GATA3: variants seen among roughly 807,000 people sequenced by gnomAD.
GATA3 encodes the protein GATA binding protein 3.
In GATA3, 6 loss-of-function variants were observed where a neutral mutation model predicts 36.0. The observed-to-expected ratio is 0.17, with a 90% CI of 0.09 to 0.33. The LOEUF (loss-of-function observed/expected upper bound fraction) is 0.33, where lower values mean the gene tolerates loss of function less well. GATA3 is among the 10% of genes least tolerant of loss of function. The probability of loss-of-function intolerance (pLI) is 1.00; values close to 1 mark genes in which losing one functional copy is unlikely to be tolerated. For missense variants in GATA3, 514 were observed against 610.1 expected (o/e 0.84, Z 1.66); for synonymous variants, 326 against 273.0 (o/e 1.19, Z -1.92).
In GATA3 at chr10:8,058,531, C is replaced by A. The variant is rs775381986; in HGVS notation, c.468C>A (p.Thr156=). The A allele has an allele frequency of 6.2e-7, 1 of 1,612,106 alleles. No individual in the cohort carries two copies. Among genetic ancestry groups the A allele is most frequent in the Admixed American group, 1.7e-5 (1 of 60,004 alleles). Reference sequence around the variant, plus strand: ...CGCACCTCTTCACCTTCCCGCCCACCCCGCCGAAGGACGTCTCCCCGGACC... The same window carrying A: ...CGCACCTCTTCACCTTCCCGCCCACACCGCCGAAGGACGTCTCCCCGGACC... ...ASPHLFTFPP[T]PPKDVSPDPS... is the part of the protein sequence containing the mutation. The change falls in exon 3 of 6, where the codon ACC becomes ACA. Residue 156 remains threonine, a synonymous_variant. Transcript: ENST00000379328.
Position 8,074,068 on chromosome 10 carries a change from G to C in GATA3, c.*45G>C. 1 of 1,601,142 alleles carries C rather than the reference G, an allele frequency of 6.2e-7. No individual in the cohort carries two copies. The highest frequency in any genetic ancestry group is 8.5e-7 in the Non-Finnish European group (1 of 1,171,978). ...AGGGCCCCCAGCGAGAGTCCCTGCA[G>C]TCCCTTTCGACTTGCATTTTTGCAG... On this transcript the variant is annotated 3_prime_UTR_variant, in exon 6 of 6. Transcript: ENST00000379328.
intron 1 of GATA3, among the ~76,000 whole-genome samples, chr10:8,045,957 C>A (rs552338336): frequency 6.6e-6 from 1 of 152,304 alleles, no homozygotes; most frequent in African/African-American, 2.4e-5. Context: ...TGTTGAGGCT[C>A]ATTGTCTCTG....
At chr10:8,073,132 G>T (rs909905862) in intron 5 of GATA3, among the ~76,000 whole-genome samples, 5 of 137,590 alleles carry the variant, frequency 3.6e-5, no homozygotes, top group Non-Finnish European at 6.2e-5. Context: ...GCGACAGCGG[G>T]AGACTTCGTC....
rs1243666854 is a variant in GATA3, at chr10:8,073,839, A to G, written c.1151A>G (p.Glu384Gly). 1 of 1,614,196 alleles carries G rather than the reference A, an allele frequency of 6.2e-7. No individual in the cohort carries two copies. Residue 384 changes from glutamate (E) to glycine (G), a missense_variant, in exon 6 of 6, where the codon GAG becomes GGG. Glu to Gly is a moderately conservative substitution (Grantham distance 98). Coordinates refer to ENST00000379328, the MANE Select transcript of GATA3 (RefSeq NM_001002295.2). ...KKCKKVHDSLEDFPKNSSFNP... is the reference protein window; with the variant it reads ...KKCKKVHDSLGDFPKNSSFNP... ...TGCAAAAAAGTGCATGACTCACTGG[A>G]GGACTTCCCCAAGAACAGCTCGTTT...
At position 8,055,663 on chromosome 10, in the gene GATA3, T is replaced by C; in HGVS notation, c.8T>C (p.Val3Ala). 1.3e-6 allele frequency: 2 copies of C among 1,555,452 alleles called. No homozygotes were observed. Residue 3 changes from valine (V) to alanine (A), a missense_variant, in exon 2 of 6, where the codon GTG becomes GCG. Transcript: ENST00000379328. This position sits in a 1 kb window ranked among gnomAD's most constrained non-coding sequence, Gnocchi z 5.4. ...GCGAGCACAGCCGAGGCCATGGAGG[T>C]GACGGCGGACCAGCCGCGCTGGGTG... ME[V>A]TADQPRWVSH...
At chr10:8,047,258 TCTG>T (rs1046099849) in intron 1 of GATA3, among the ~76,000 whole-genome samples, 1 of 152,124 alleles carries the variant, frequency 6.6e-6, no homozygotes, top group African/African-American at 2.4e-5. Context: ...AAACCCCTCT[TCTG>T]GAGGTTAAAG....
chr10:8,070,853 C>T (rs1300884853), intron 5 of GATA3, among the ~76,000 whole-genome samples: 1 of 152,198 alleles, frequency 6.6e-6, no homozygotes, highest in Non-Finnish European at 1.5e-5. Flanking sequence ...ACTACGATCC[C>T]TTATTCTCCC....
chr10:8,057,018 G>A (rs1832651619), intron 2 of GATA3, among the ~76,000 whole-genome samples: 1 of 152,198 alleles, frequency 6.6e-6, no homozygotes, highest in Non-Finnish European at 1.5e-5. Flanking sequence ...CTACCCTGCT[G>A]TCGCCAGGTT....
upstream of GATA3, chr10:8,052,902 G>GC (rs963885143): frequency 6.6e-6 from 1 of 150,748 alleles, no homozygotes; most frequent in Non-Finnish European, 1.5e-5. Flanking sequence ...CGTGGCGGGG[G>GC]GGGGGGGAGC....
At chr10:8,063,241 C>T (rs570276543) in intron 3 of GATA3, among the ~76,000 whole-genome samples, 2 of 152,272 alleles carry the variant, frequency 1.3e-5, no homozygotes, top group Admixed American at 6.5e-5. Context: ...CTCCCTCCCC[C>T]TCTTCCAGGT....
chr10:8,045,834 C>T (rs182416878), intron 1 of GATA3, among the ~76,000 whole-genome samples: 1 of 152,258 alleles, frequency 6.6e-6, no homozygotes, highest in East Asian at 1.9e-4. Flanking sequence ...GACACGTTTC[C>T]CACTGCAAGG....
intron 3 of GATA3, 47 bp downstream of exon 3, chr10:8,058,888 T>G (rs773572422): frequency 6.4e-7 from 1 of 1,565,944 alleles, no homozygotes; most frequent in Non-Finnish European, 8.7e-7. Flanking sequence ...CCTCCTCCCC[T>G]TTTCCTCAAT....
chr10:8,060,254 G>C (rs1486158790), intron 3 of GATA3, among the ~76,000 whole-genome samples: 1 of 152,214 alleles, frequency 6.6e-6, no homozygotes, highest in Non-Finnish European at 1.5e-5. Context: ...GTCCGGATGC[G>C]GTTAGGCTGA....
rs767895748 is a variant in GATA3 at position 8,073,870 on chromosome 10, G to T, written c.1182G>T (p.Pro394=). 1 of 1,614,012 alleles carries T rather than the reference G, an allele frequency of 6.2e-7. No homozygotes were observed. The highest frequency in any genetic ancestry group is 1.1e-5 in the South Asian group (1 of 91,072). The change falls in exon 6 of 6, where the codon CCG becomes CCT. Residue 394 remains proline (P), a synonymous_variant. Transcript: ENST00000379328. ...TCCCCAAGAACAGCTCGTTTAACCCGGCCGCCCTCTCCAGACACATGTCCT... is the reference window on the plus strand; with the variant it reads ...TCCCCAAGAACAGCTCGTTTAACCCTGCCGCCCTCTCCAGACACATGTCCT... ...EDFPKNSSFN[P]AALSRHMSSL... is the part of the protein sequence containing the mutation.
chr10:8,065,798 AAAC>A (rs1258516698), intron 4 of GATA3, among the ~76,000 whole-genome samples: 1 of 145,554 alleles, frequency 6.9e-6, no homozygotes, highest in East Asian at 2.0e-4. Flanking sequence ...GATAACTCAT[AAAC>A]AACAACTCAG....
In GATA3 at chr10:8,055,447, C is replaced by T. The variant is rs1311896898; in HGVS notation, c.-209C>T. 3.2e-6 allele frequency: 2 copies of T among 617,510 alleles called. No individual in the cohort carries two copies. Among genetic ancestry groups the T allele is most frequent in the East Asian group, 2.8e-5 (1 of 35,576 alleles). 38.3% of individuals were successfully genotyped at this position (617,510 alleles called of 1,614,324 possible). On this transcript the variant is annotated 5_prime_UTR_variant, in exon 2 of 6. Transcript: ENST00000379328. The surrounding 1 kb of genome is among the most constrained non-coding windows in gnomAD (Gnocchi z 5.4). The stretch of plus-strand genomic sequence containing the variant: ...TTTTGTCTTCCCCTTCTTCTCTTTG[C>T]TAAACGACCCCTCCAAGATAATTTT...
intron 1 of GATA3, among the ~76,000 whole-genome samples, chr10:8,046,679 G>C (rs1832392381): frequency 6.9e-6 from 1 of 143,916 alleles, no homozygotes; most frequent in African/African-American, 2.9e-5. Flanking sequence ...GTGTGTGTGT[G>C]TGTGTGTGTG....
At chr10:8,051,803 G>A (rs559144647), upstream of GATA3, among the ~76,000 whole-genome samples, 450 of 146,760 alleles carry the variant, frequency 3.1e-3, 1 homozygote, top group African/African-American at 0.011. Context: ...GCCTGCTCTT[G>A]CCGGCGAGGC....
intron 5 of GATA3, 119 bp from the exon 6 acceptor site, chr10:8,073,620 A>G (rs1832965587): frequency 8.7e-7 from 1 of 1,154,410 alleles, no homozygotes; most frequent in African/African-American, 1.6e-5. Flanking sequence ...GCCAGCTGAA[A>G]TGGAAACAGA....
Sources: gnomAD v4.1 joint callset for allele counts (sites outside exome capture counted in the v4.1 genomes callset) on GRCh38, gnomAD v4.1.1 for gene constraint, Gnocchi (gnomAD v3.1) non-coding constraint, MANE v1.5 for transcripts, NCBI Gene and HGNC (gene_info 2026-07-23, HGNC 2026-07-21) for gene names.